Variants in PLCH2 observed in about 807,000 individuals in gnomAD.
The protein encoded by PLCH2 is phospholipase C eta 2.
Under a neutral mutation model 134.7 loss-of-function variants are expected in PLCH2, and 98 were observed. That is an observed-to-expected ratio of 0.73 (90% CI 0.62 to 0.86). PLCH2 has a LOEUF of 0.86. PLCH2 is among the 40% of genes least tolerant of loss of function. PLCH2 has a pLI of 0.00. For synonymous variants in PLCH2, 974 were observed against 827.5 expected (o/e 1.18, Z -3.04); for missense variants, 1,994 against 1,986.6 (o/e 1.00, Z -0.07).
chr1:2,458,233 C>G (rs1321841990), intron 2 of PLCH2, among the ~76,000 whole-genome samples: 1 of 152,208 alleles, frequency 6.6e-6, no homozygotes, highest in Non-Finnish European at 1.5e-5. Flanking sequence ...TAAGGCCCTG[C>G]TCAGTGCCCG....
chr1:2,417,023 G>T, the PLCH2 span, among the ~76,000 whole-genome samples: 1 of 152,158 alleles, frequency 6.6e-6, no homozygotes, highest in East Asian at 1.9e-4. Context: ...GGAGAGAGGG[G>T]CATGGGCCTG....
intron 15 of PLCH2, 111 bp from the exon 16 acceptor site, chr1:2,497,391 G>A (rs1028341498): frequency 6.8e-6 from 5 of 731,840 alleles, no homozygotes; most frequent in Non-Finnish European, 1.2e-5. Context: ...AGGGGCAGAC[G>A]GCAGATACGC....
chr1:2,497,029 C>G lies in PLCH2; in HGVS notation c.2116+19C>G. The G allele has an allele frequency of 6.2e-7, 1 of 1,607,090 alleles. No individual in the cohort carries two copies. The highest frequency in any genetic ancestry group is 8.5e-7 in the Non-Finnish European group (1 of 1,176,692). The stretch of plus-strand genomic sequence containing the variant: ...CAAATGGGTGGGTGCGGGCATGGTG[C>G]GCTGGGTGTGGTGGGGAGGGCTCGG... On this transcript the variant is annotated intron_variant, in intron 15 of 21. Coordinates refer to ENST00000378486, the MANE Select transcript of PLCH2 (RefSeq NM_014638.4).
At chr1:2,467,417 G>T (rs560874749), upstream of PLCH2, 237 of 385,264 alleles carry the variant, frequency 6.2e-4, 2 homozygotes, top group African/African-American at 4.7e-3. Context: ...CGGTCCCAGC[G>T]GCGGCCCCGT....
chr1:2,488,304 G>C (rs1642387576), intron 8 of PLCH2, among the ~76,000 whole-genome samples: 1 of 152,208 alleles, frequency 6.6e-6, no homozygotes. Context: ...TAGGTGGGAA[G>C]GGCATTGCAA....
chr1:2,471,686 T>C (rs1377271985), upstream of PLCH2, among the ~76,000 whole-genome samples: 4 of 152,012 alleles, frequency 2.6e-5, no homozygotes. Context: ...GGAGGGCAGG[T>C]CAGGTGGCGC....
chr1:2,475,883 A>G (rs1188940530), upstream of PLCH2, among the ~76,000 whole-genome samples: 2 of 150,958 alleles, frequency 1.3e-5, no homozygotes, highest in Non-Finnish European at 3.0e-5. Context: ...GGATGAGGTG[A>G]GCTTCTGCCC....
rs537655150 is a variant in PLCH2 at position 2,455,732 on chromosome 1, C to T, written c.116-22744C>T. 2.6e-3 allele frequency among the ~76,000 whole-genome samples: 401 copies of T among 152,240 alleles called. 2 individuals are homozygous for T. Among genetic ancestry groups the T allele is most frequent in the African/African-American group, 9.0e-3 (372 of 41,540 alleles). On this transcript the variant is annotated intron_variant, in intron 2 of 3. Coordinates refer to the PLCH2 transcript ENST00000609981. The stretch of plus-strand genomic sequence containing the variant: ...GGCGGGAGGCTCCCAGGTGGCAAAG[C>T]GCACCTGCTGCAGGTGTGAGAGGGC...
intron 2 of PLCH2, among the ~76,000 whole-genome samples, chr1:2,452,781 G>C (rs966945246): frequency 6.6e-6 from 1 of 152,214 alleles, no homozygotes; most frequent in Admixed American, 6.5e-5. Context: ...CCTGGAGCTT[G>C]GCCAGTCGCT....
At chr1:2,428,967 A>G (rs1007586329) in intron 1 of PLCH2, among the ~76,000 whole-genome samples, 51 of 151,726 alleles carry the variant, frequency 3.4e-4, no homozygotes, top group African/African-American at 1.1e-3. Flanking sequence ...TGGTGGCCCA[A>G]TGCCCTCTCC....
At chr1:2,493,276 C>G (rs565913319) in intron 11 of PLCH2, 1 of 152,308 alleles carries the variant, frequency 6.6e-6, no homozygotes, top group African/African-American at 2.4e-5. Flanking sequence ...TACAGTCGCT[C>G]GTGGCTCTGG....
At chr1:2,436,447 C>CCTTTCTCCCTCCACCTTTCCT (rs1639397418) in intron 2 of PLCH2, among the ~76,000 whole-genome samples, 1 of 41,142 alleles carries the variant, frequency 2.4e-5, no homozygotes, top group Admixed American at 2.5e-4. Flanking sequence ...CTCCCTTCCT[C>CCTTTCTCCCTCCACCTTTCCT]CCTTCCTCCC....
rs751401229 is a variant in PLCH2 at position 2,479,801 on chromosome 1, C to G, written c.339C>G (p.Asp113Glu). Residue 113 changes from aspartate (D) to glutamate (E), a missense_variant, in exon 3 of 22, where the codon GAC becomes GAG. This residue lies in a region of PLCH2 where 1,094 missense variants were observed against 1,234.3 expected (regional missense o/e 0.89). Coordinates refer to ENST00000378486, the MANE Select transcript of PLCH2 (RefSeq NM_014638.4). ...CGGAGGTCTTCCAGCGCTACCCTGA[C>G]GGCAGCTTCGACCCCAACTGCTGCT... is the stretch of plus-strand genomic sequence containing the variant. Reference protein sequence around the residue: ...RQSEVFQRYPDGSFDPNCCFS... With the variant: ...RQSEVFQRYPEGSFDPNCCFS... 6.9e-6 allele frequency: 11 copies of G among 1,587,668 alleles called. No individual in the cohort carries two copies. Among genetic ancestry groups the G allele is most frequent in the Non-Finnish European group, 9.4e-6 (11 of 1,168,044 alleles).
At chr1:2,420,012 C>T in the PLCH2 span, among the ~76,000 whole-genome samples, 1 of 151,686 alleles carries the variant, frequency 6.6e-6, no homozygotes, top group Non-Finnish European at 1.5e-5. Context: ...CCACTACCCC[C>T]TCCTGTGCTG....
chr1:2,502,207 C>G lies in PLCH2; in HGVS notation c.2757C>G (p.Pro919=). ...CTGCTGGGCGGCCCCCGGCCCGGCC[C>G]TCCGTTAGCCAGCGGATCCTGCGGC... ...SHAAGRPPAR[P]SVSQRILRRT... is the part of the protein sequence containing the mutation. Residue 919 remains proline (P), a synonymous_variant, in exon 21 of 22, where the codon CCC becomes CCG. Transcript: ENST00000378486. The G allele has an allele frequency of 6.5e-7, 1 of 1,538,908 alleles. No homozygotes were observed. The highest frequency in any genetic ancestry group is 8.7e-7 in the Non-Finnish European group (1 of 1,144,360).
chr1:2,428,423 C>A (rs10910073), intron 1 of PLCH2, among the ~76,000 whole-genome samples: 42,228 of 152,196 alleles, frequency 0.28, 5,947 homozygotes, highest in South Asian at 0.38. Flanking sequence ...TCTGGGACCA[C>A]GGTGGCTCTC....
upstream of PLCH2, among the ~76,000 whole-genome samples, chr1:2,463,899 G>A (rs1640938617): frequency 6.6e-6 from 1 of 152,260 alleles, no homozygotes; most frequent in Non-Finnish European, 1.5e-5. Flanking sequence ...GAACTCCCAT[G>A]GGGCACACAG....
Position 2,504,213 on chromosome 1 carries a change from C to T in PLCH2, c.3251C>T (p.Thr1084Ile). 1 of 1,560,692 alleles carries T rather than the reference C, an allele frequency of 6.4e-7. No homozygotes were observed. Among genetic ancestry groups the T allele is most frequent in the Non-Finnish European group, 8.7e-7 (1 of 1,153,838 alleles). Residue 1084 changes from threonine (T) to isoleucine (I), a missense_variant, in exon 22 of 22, where the codon ACC (threonine) becomes ATC (isoleucine). By Grantham distance (89) the Thr-to-Ile change is moderately conservative. Around this residue, in one of 2 missense-constraint regions of PLCH2, gnomAD observed 900 missense variants for 752.3 expected, o/e 1.20. Transcript: ENST00000378486. Reference sequence around the variant, plus strand: ...ACGGACGGCAGGAGCCAGCCCCGGACCCTGGGCCACCTGCCCGTGATTAGA... The same window carrying T: ...ACGGACGGCAGGAGCCAGCCCCGGATCCTGGGCCACCTGCCCGTGATTAGA... ...SQTDGRSQPR[T>I]LGHLPVIRRV...
chr1:2,426,865 G>A (rs1208056472), intron 1 of PLCH2, among the ~76,000 whole-genome samples: 1 of 152,276 alleles, frequency 6.6e-6, no homozygotes, highest in Admixed American at 6.5e-5. Flanking sequence ...CAGCGGCTGA[G>A]CTTGCTGGGG....
Sources: allele counts gnomAD v4.1 joint callset (sites outside exome capture counted in the v4.1 genomes callset), GRCh38; gene constraint gnomAD v4.1.1; regional missense constraint gnomAD v4.1.1; transcripts MANE v1.5; gene names NCBI Gene and HGNC (gene_info 2026-07-23, HGNC 2026-07-21).